ADAMTSL1: variants seen among roughly 807,000 people sequenced by gnomAD.
The protein encoded by ADAMTSL1 is ADAMTS like 1, also known as ADAMTS-like protein 1.
In ADAMTSL1, 126 loss-of-function variants were observed where a neutral mutation model predicts 201.8. The observed-to-expected ratio is 0.62, with a 90% CI of 0.54 to 0.72. The LOEUF is 0.72. ADAMTSL1 is among the 30% of genes least tolerant of loss of function. The pLI, the probability that ADAMTSL1 is intolerant of heterozygous loss-of-function variation, is 0.00. For missense variants in ADAMTSL1, 2,679 were observed against 2,277.8 expected, an observed-to-expected ratio of 1.18 and a Z score of -3.59; for synonymous variants, 1,121 against 903.4, an observed-to-expected ratio of 1.24 and a Z score of -4.32.
rs563865571 is a variant in ADAMTSL1 at position 18,173,087 on chromosome 9, A to G, written c.207+9106A>G. Among the ~76,000 whole-genome samples, 6 of 152,216 alleles carry G rather than the reference A, an allele frequency of 3.9e-5. 1 individual carries two copies. In the South Asian group the frequency reaches 1.0e-3, roughly 26 times the overall value. The stretch of plus-strand genomic sequence containing the variant: ...AAAAATGATAATATAAAATGTTTCT[A>G]TTTGTTTAAATGGCTAGTGGTTGCA... On this transcript the variant is annotated intron_variant, in intron 2 of 29. Coordinates refer to the ADAMTSL1 transcript ENST00000680146.
In ADAMTSL1 at chr9:18,528,796, A is replaced by C. The variant is rs372367695; in HGVS notation, c.192-4451A>C. 1.2e-4 allele frequency among the ~76,000 whole-genome samples: 19 copies of C among 152,260 alleles called. No homozygotes were observed. The East Asian group carries it at 3.7e-3, about 29-fold the overall frequency. On this transcript the variant is annotated intron_variant, in intron 2 of 28. Transcript: ENST00000380548. ...ACTCCCGAAACACAGTGCTGTAACT[A>C]TTTTATAGTTTATATTGGGAGGACA...
chr9:18,863,364 C>CT (rs1339942126), intron 23 of ADAMTSL1, among the ~76,000 whole-genome samples: 1 of 152,212 alleles, frequency 6.6e-6, no homozygotes, highest in Non-Finnish European at 1.5e-5. Flanking sequence ...AGCATACCCC[C>CT]TGCCAACGGA....
intron 1 of ADAMTSL1, among the ~76,000 whole-genome samples, chr9:18,084,531 A>AAG (rs1208660163): frequency 6.6e-6 from 1 of 151,814 alleles, no homozygotes; most frequent in Non-Finnish European, 1.5e-5. Flanking sequence ...CAAAAAAAAA[A>AAG]GAAAAGAAAA....
intron 1 of ADAMTSL1, among the ~76,000 whole-genome samples, chr9:18,107,149 A>G (rs1377649975): frequency 6.6e-6 from 1 of 152,148 alleles, no homozygotes; most frequent in East Asian, 1.9e-4. Context: ...CATGCCTGTC[A>G]TGAGGGTATA....
chr9:18,256,084 C>A (rs1831671919), intron 2 of ADAMTSL1, among the ~76,000 whole-genome samples: 3 of 152,346 alleles, frequency 2.0e-5, no homozygotes, highest in Admixed American at 1.3e-4. Context: ...TCACTCTTAT[C>A]ATGAGATTCC....
chr9:18,726,980 GT>G (rs1817933941), intron 15 of ADAMTSL1, among the ~76,000 whole-genome samples: 1 of 152,180 alleles, frequency 6.6e-6, no homozygotes, highest in Non-Finnish European at 1.5e-5. Context: ...GAGAATCCCT[GT>G]TTGAAAGGAG....
chr9:18,825,113 A>C (rs953579940), intron 21 of ADAMTSL1, among the ~76,000 whole-genome samples: 2 of 151,908 alleles, frequency 1.3e-5, no homozygotes, highest in African/African-American at 4.8e-5. Flanking sequence ...CTCCCTAGAG[A>C]CCTGTGAATC....
chr9:18,395,767 G>C (rs955411124), intron 2 of ADAMTSL1, among the ~76,000 whole-genome samples: 1 of 152,152 alleles, frequency 6.6e-6, no homozygotes, highest in South Asian at 2.1e-4. Context: ...GATTCAGCCT[G>C]GTTTAAGTTG....
intron 1 of ADAMTSL1, among the ~76,000 whole-genome samples, chr9:18,109,496 G>C (rs1057104072): frequency 6.6e-6 from 1 of 152,160 alleles, no homozygotes; most frequent in Non-Finnish European, 1.5e-5. Context: ...TCCAACTTCA[G>C]TTTAGGACTC....
intron 1 of ADAMTSL1, among the ~76,000 whole-genome samples, chr9:18,103,585 G>T (rs961488145): frequency 6.6e-6 from 1 of 152,132 alleles, no homozygotes; most frequent in Non-Finnish European, 1.5e-5. Flanking sequence ...TGCTCTGCTT[G>T]AACAAGTTTT....
At chr9:18,665,104 T>G (rs1245841537) in intron 9 of ADAMTSL1, among the ~76,000 whole-genome samples, 1 of 152,020 alleles carries the variant, frequency 6.6e-6, no homozygotes, top group African/African-American at 2.4e-5. Context: ...ATAACTATCC[T>G]AAGATTGCAA....
intron 1 of ADAMTSL1, among the ~76,000 whole-genome samples, chr9:18,120,544 T>C (rs1825453917): frequency 6.6e-6 from 1 of 152,170 alleles, no homozygotes; most frequent in South Asian, 2.1e-4. Context: ...GCTGTAGTCA[T>C]AGAACAGTCT....
At chr9:18,762,636 C>G (rs1217072907) in intron 16 of ADAMTSL1, among the ~76,000 whole-genome samples, 2 of 152,048 alleles carry the variant, frequency 1.3e-5, no homozygotes, top group Non-Finnish European at 2.9e-5. Context: ...CCACCCTCCC[C>G]CTCAGCCCCT....
intron 2 of ADAMTSL1, among the ~76,000 whole-genome samples, chr9:18,387,845 TTTTA>T (rs1264046529): frequency 2.6e-5 from 4 of 152,160 alleles, no homozygotes; most frequent in African/African-American, 2.4e-5. Flanking sequence ...AATTTTTTTG[TTTTA>T]TCTATCTATC....
At chr9:18,672,398 T>C (rs1829878769) in intron 9 of ADAMTSL1, among the ~76,000 whole-genome samples, 1 of 152,176 alleles carries the variant, frequency 6.6e-6, no homozygotes, top group Non-Finnish European at 1.5e-5. Context: ...AAAGGTGATA[T>C]ATTATAGAAA....
At chr9:18,461,537 G>A (rs1288356815) in intron 2 of ADAMTSL1, among the ~76,000 whole-genome samples, 1 of 152,008 alleles carries the variant, frequency 6.6e-6, no homozygotes, top group Non-Finnish European at 1.5e-5. Flanking sequence ...CACAGACAGG[G>A]TAGACATAGA....
intron 1 of ADAMTSL1, among the ~76,000 whole-genome samples, chr9:17,965,305 T>C (rs1817940711): frequency 6.6e-6 from 1 of 152,150 alleles, no homozygotes. Context: ...GAAGAAGAAA[T>C]ATGATACAAC....
In ADAMTSL1 at chr9:17,929,235, C is replaced by T. The variant is rs1826678328; in HGVS notation, c.87+22313C>T. On this transcript the variant is annotated intron_variant, in intron 1 of 29. Transcript: ENST00000680146. ...CCCTGCTTAAAGGCTTCAGTGATTT[C>T]CTGCCGCCTTTACATCAGTATTTCT... 4.6e-5 allele frequency among the ~76,000 whole-genome samples: 7 copies of T among 152,116 alleles called. 1 individual carries two copies. In the South Asian group the frequency reaches 1.4e-3, roughly 31 times the overall value.
intron 2 of ADAMTSL1, among the ~76,000 whole-genome samples, chr9:18,272,125 T>A (rs1161948497): frequency 6.6e-6 from 1 of 152,142 alleles, no homozygotes; most frequent in Non-Finnish European, 1.5e-5. Flanking sequence ...ATTCTGTAGG[T>A]TGCCTGTTCA....
Sources: gnomAD v4.1 joint callset for allele counts (sites outside exome capture counted in the v4.1 genomes callset) on GRCh38, gnomAD v4.1.1 for gene constraint, MANE v1.5 for transcripts, NCBI Gene and HGNC (gene_info 2026-07-23, HGNC 2026-07-21) for gene names.